USP30: variants seen among roughly 807,000 people sequenced by gnomAD.
USP30 encodes ubiquitin specific peptidase 30.
Under a neutral mutation model 68.2 loss-of-function variants are expected in USP30, and 41 were observed. The observed-to-expected ratio is 0.60, with a 90% CI of 0.47 to 0.78. The LOEUF is 0.78. Ranked by LOEUF, USP30 falls within the 30% of genes least tolerant of loss-of-function variation. The pLI is 0.00. For missense variants in USP30, 522 were observed against 649.4 expected (o/e 0.80, Z 2.13); for synonymous variants, 229 against 253.7 (o/e 0.90, Z 0.93).
intron 3 of USP30, among the ~76,000 whole-genome samples, chr12:109,034,041 G>T (rs1475634092): frequency 1.3e-5 from 2 of 152,150 alleles, no homozygotes; most frequent in African/African-American, 4.8e-5. Context: ...AAGGGGAAGA[G>T]GTAATTCAGA....
intron 3 of USP30, among the ~76,000 whole-genome samples, chr12:109,036,958 A>G (rs943686468): frequency 4.8e-5 from 6 of 124,068 alleles, no homozygotes; most frequent in African/African-American, 2.0e-4. Context: ...GTATAGATTA[A>G]TGTTTTCCAT....
rs201519201 is a variant in USP30, at chr12:109,083,074, C to T, written c.1168+12C>T. 4.1e-4 allele frequency: 643 copies of T among 1,576,074 alleles called. 2 individuals carry two copies. The highest frequency in any genetic ancestry group is 3.6e-3 in the South Asian group (308 of 85,588). On this transcript the variant is annotated intron_variant, in intron 11 of 12. Transcript: ENST00000257548. ...AGCCCCCACACCAGGTGTGTGCGCG[C>T]GAGGAGCCGATGCAGCAGGAATTTT...
intron 3 of USP30, among the ~76,000 whole-genome samples, chr12:109,037,989 T>A (rs762681706): frequency 2.3e-4 from 35 of 152,162 alleles, no homozygotes; most frequent in Non-Finnish European, 4.3e-4. Flanking sequence ...GAATATCTGA[T>A]TCCTCAGATT....
At chr12:109,077,240 T>C (rs2041639220) in intron 7 of USP30, among the ~76,000 whole-genome samples, 1 of 152,254 alleles carries the variant, frequency 6.6e-6, no homozygotes. Flanking sequence ...TATACTAGCC[T>C]CATAAAATAG....
chr12:109,051,501 G>A (rs1322305638), upstream of USP30, among the ~76,000 whole-genome samples: 3 of 133,800 alleles, frequency 2.2e-5, no homozygotes, highest in Admixed American at 1.5e-4. Context: ...CAAGCAATCC[G>A]TGCCCCCCAC....
intron 3 of USP30, among the ~76,000 whole-genome samples, chr12:109,038,386 G>C (rs931140147): frequency 6.6e-6 from 1 of 151,970 alleles, no homozygotes; most frequent in Admixed American, 6.6e-5. Context: ...GTACCACATT[G>C]TCTGTATCCA....
chr12:109,047,169 A>AT (rs11351379), intron 3 of USP30, among the ~76,000 whole-genome samples: 14 of 150,638 alleles, frequency 9.3e-5, no homozygotes, highest in African/African-American at 2.2e-4. Flanking sequence ...AGGTGGATGC[A>AT]TTTTTTTTTT....
At chr12:109,071,289 C>T (rs1053880101) in intron 4 of USP30, among the ~76,000 whole-genome samples, 1 of 152,130 alleles carries the variant, frequency 6.6e-6, no homozygotes, top group African/African-American at 2.4e-5. Flanking sequence ...TGTATTTTAC[C>T]ACAATTAACA....
In USP30 at chr12:109,055,379, C is replaced by CATATATAT. The variant is rs71443831; in HGVS notation, c.84-1288_84-1281dup. On this transcript the variant is annotated intron_variant, in intron 1 of 12. Coordinates refer to ENST00000257548, the MANE Select transcript of USP30 (RefSeq NM_032663.5). The stretch of plus-strand genomic sequence containing the variant: ...ATATATACACACACACATATATATA[C>CATATATAT]ATATATATATATATATATATATTTT... Among the ~76,000 whole-genome samples, 67 of 58,898 alleles carry CATATATAT rather than the reference C, an allele frequency of 1.1e-3. 2 individuals carry two copies. The highest frequency in any genetic ancestry group is 4.5e-3 in the African/African-American group (65 of 14,432). The allele number at this position is 58,898 out of a possible 152,430, so 38.6% of individuals were successfully genotyped here. A position where few individuals can be genotyped will look rare whatever the true frequency, so the allele number is the denominator to read the frequency against.
At chr12:109,072,458 T>C (rs2041476524) in intron 6 of USP30, 108 bp downstream of exon 6, 1 of 989,750 alleles carries the variant, frequency 1.0e-6, no homozygotes, top group Admixed American at 2.1e-5. Flanking sequence ...CAGGCCAGCT[T>C]GAAGTGTGAT....
At chr12:109,066,507 A>AC (rs2041256162) in intron 3 of USP30, among the ~76,000 whole-genome samples, 2 of 152,104 alleles carry the variant, frequency 1.3e-5, no homozygotes, top group Non-Finnish European at 2.9e-5. Flanking sequence ...ACATGGGGGA[A>AC]CCCCCATCTC....
At position 109,028,587 on chromosome 12, in the gene USP30, C is replaced by A. The variant is rs573351764; in HGVS notation, c.-136+1031C>A. 1.6e-4 allele frequency among the ~76,000 whole-genome samples: 25 copies of A among 152,224 alleles called. 1 individual carries two copies. The South Asian group carries it at 4.6e-3, about 28-fold the overall frequency. On this transcript the variant is annotated intron_variant, in intron 3 of 15. Transcript: ENST00000392784. ...CCACCTACCAGGTTCAGGCAATTATCCTGCCTCAGCCTTCTGAGTAGCTGA... is the reference window on the plus strand; with the variant it reads ...CCACCTACCAGGTTCAGGCAATTATACTGCCTCAGCCTTCTGAGTAGCTGA...
chr12:109,085,580 C>T (rs1566109750), intron 12 of USP30, 87 bp from the exon 13 acceptor site: 1 of 1,495,988 alleles, frequency 6.7e-7, no homozygotes, highest in South Asian at 1.2e-5. Context: ...TATTCATCCC[C>T]TATTTAACAT....
rs143104227 is a variant in USP30 at position 109,024,100 on chromosome 12, C to T, written c.-497-703C>T. Among the ~76,000 whole-genome samples, 711 of 152,238 alleles carry T rather than the reference C, an allele frequency of 4.7e-3. 12 individuals carry two copies. Among genetic ancestry groups the T allele is most frequent in the African/African-American group, 0.013 (552 of 41,544 alleles). On this transcript the variant is annotated intron_variant, in intron 1 of 15. Coordinates refer to the USP30 transcript ENST00000392784. ...GGGTAACCTCGAGCAGGTTGTCTAA[C>T]TTTCCGTGCTTGCATTTCCTCATCA...
intron 1 of USP30, 196 bp downstream of exon 1, chr12:109,052,957 C>A: frequency 2.1e-6 from 1 of 475,648 alleles, no homozygotes. Context: ...TCGGCAACAC[C>A]AATTCTGTCT....
chr12:109,082,666 G>A lies in USP30; in HGVS notation c.871G>A (p.Glu291Lys), dbSNP rs1459450786. 1.9e-6 allele frequency: 3 copies of A among 1,614,078 alleles called. No homozygotes were observed. The highest frequency in any genetic ancestry group is 3.3e-5 in the Admixed American group (2 of 59,998). Residue 291 changes from glutamate to lysine, a missense_variant, in exon 10 of 13, where the codon GAA becomes AAA. Physicochemically the swap from Glu to Lys is moderately conservative, Grantham distance 56 (BLOSUM62 1). Transcript: ENST00000257548. ...DVVCDNCTKI[E>K]AKGTLNGEKV... Reference sequence around the variant, plus strand: ...AGAAATGTTCCTTTTATTTCAGATTGAAGCCAAGGGAACGTTGAACGGGGA... The same window carrying A: ...AGAAATGTTCCTTTTATTTCAGATTAAAGCCAAGGGAACGTTGAACGGGGA...
intron 3 of USP30, among the ~76,000 whole-genome samples, chr12:109,037,906 C>T (rs1186787014): frequency 6.6e-6 from 1 of 152,110 alleles, no homozygotes; most frequent in African/African-American, 2.4e-5. Context: ...TTACCCTGAG[C>T]ATGTAGAGAG....
Position 109,085,826 on chromosome 12 carries a change from G to C in USP30, c.1449G>C (p.Lys483Asn), listed in dbSNP as rs763795502. The change falls in exon 13 of 13, where the codon AAG becomes AAC. Residue 483 changes from lysine to asparagine, a missense_variant. Lys to Asn is a moderately conservative substitution (Grantham distance 94). Coordinates refer to ENST00000257548, the MANE Select transcript of USP30 (RefSeq NM_032663.5). ...WLWVSDDTVR[K>N]ASLQEVLSSS... ...GGGTCTCCGATGACACTGTCCGCAA[G>C]GCCAGCCTGCAGGAGGTCCTGTCCT... 3.1e-6 allele frequency: 5 copies of C among 1,614,114 alleles called. No individual in the cohort carries two copies. The highest frequency in any genetic ancestry group is 4.2e-6 in the Non-Finnish European group (5 of 1,180,056).
chr12:109,033,554 C>T (rs1566075474), intron 3 of USP30, among the ~76,000 whole-genome samples: 1 of 152,116 alleles, frequency 6.6e-6, no homozygotes, highest in African/African-American at 2.4e-5. Context: ...TCTCCCTGGC[C>T]TCTTGACTCT....
Sources: allele counts gnomAD v4.1 joint callset (sites outside exome capture counted in the v4.1 genomes callset), GRCh38; gene constraint gnomAD v4.1.1; transcripts MANE v1.5; gene names NCBI Gene and HGNC (gene_info 2026-07-23, HGNC 2026-07-21).